Variants in ANO5 observed in about 807,000 individuals in gnomAD.
ANO5 encodes anoctamin-5.
ANO5 carries 109 observed loss-of-function variants against 121.0 expected under a neutral mutation model. The observed-to-expected ratio is 0.90, with a 90% CI of 0.77 to 1.06. ANO5 has a LOEUF of 1.06. Ranked by LOEUF, ANO5 falls within the 50% of genes least tolerant of loss-of-function variation. The pLI, the probability that ANO5 is intolerant of heterozygous loss-of-function variation, is 0.00. For missense variants in ANO5, 1,064 were observed against 1,078.5 expected, an observed-to-expected ratio of 0.99 and a Z score of 0.19; for synonymous variants, 406 against 359.9, an observed-to-expected ratio of 1.13 and a Z score of -1.45.
chr11:22,218,649 C>G lies in ANO5; in HGVS notation c.180+362C>G, dbSNP rs34055449. Among the ~76,000 whole-genome samples the G allele has an allele frequency of 8.6e-3, 1,313 of 152,200 alleles. 5 individuals are homozygous for G. The highest frequency in any genetic ancestry group is 0.014 in the Non-Finnish European group (928 of 67,980). On this transcript the variant is annotated intron_variant, in intron 4 of 21. Coordinates refer to ENST00000324559, the MANE Select transcript of ANO5 (RefSeq NM_213599.3). ...AATTACAGCTCACTGCAGCCTCAACCTCCCTGGATCAGGTAATCCTCCCAC... is the reference window on the plus strand; with the variant it reads ...AATTACAGCTCACTGCAGCCTCAACGTCCCTGGATCAGGTAATCCTCCCAC...
intron 17 of ANO5, among the ~76,000 whole-genome samples, chr11:22,267,933 C>T (rs1207504530): frequency 6.6e-6 from 1 of 152,184 alleles, no homozygotes; most frequent in Non-Finnish European, 1.5e-5. Context: ...CTGCAAAGAA[C>T]ATGATCTTGT....
intron 14 of ANO5, among the ~76,000 whole-genome samples, chr11:22,259,132 C>CAA (rs11317243): frequency 8.9e-6 from 1 of 112,498 alleles, no homozygotes; most frequent in Non-Finnish European, 1.9e-5. Context: ...GACTCTGTCT[C>CAA]AAAAAAAAAA....
At position 22,227,501 on chromosome 11, in the gene ANO5, CT is replaced by C; in HGVS notation, c.564del (p.Ala189HisfsTer40). ...AAGTATCCCCATCCTGAATATTTTA[CT>C]GCACAATTCAGCAGACATCGGCAGG... ...SVKYPHPEYF[T>X]AQFSRHRQEL... On this transcript the variant is annotated frameshift_variant, in exon 7 of 22. Transcript: ENST00000324559. LOFTEE classifies it high-confidence loss of function. 1 of 1,613,590 alleles carries C rather than the reference CT, an allele frequency of 6.2e-7. No homozygotes were observed. Among genetic ancestry groups the C allele is most frequent in the East Asian group, 2.2e-5 (1 of 44,850 alleles).
intron 16 of ANO5, 135 bp downstream of exon 16, chr11:22,262,433 A>G: frequency 2.2e-6 from 2 of 914,728 alleles, no homozygotes; most frequent in South Asian, 1.7e-5. Flanking sequence ...CACAGAGAGT[A>G]TTGTTCACAG....
intron 4 of ANO5, among the ~76,000 whole-genome samples, chr11:22,218,694 G>A (rs533091209): frequency 6.6e-6 from 1 of 152,092 alleles, no homozygotes; most frequent in South Asian, 2.1e-4. Context: ...CTGAGTAACT[G>A]GGACCACAGG....
intron 20 of ANO5, 23 bp downstream of exon 20, chr11:22,274,770 T>A (rs746055759): frequency 6.1e-5 from 99 of 1,611,198 alleles, no homozygotes; most frequent in Non-Finnish European, 8.2e-5. Context: ...TTTGTTTGTT[T>A]AGGTTTTAGT....
At chr11:22,272,412 G>C (rs1854654692) in intron 18 of ANO5, among the ~76,000 whole-genome samples, 1 of 151,014 alleles carries the variant, frequency 6.6e-6, no homozygotes, top group Admixed American at 6.6e-5. Flanking sequence ...AGATGGGCTA[G>C]CAAGATAGAA....
chr11:22,222,338 A>T (rs547937796), intron 5 of ANO5, among the ~76,000 whole-genome samples: 2 of 152,074 alleles, frequency 1.3e-5, no homozygotes, highest in South Asian at 4.1e-4. Context: ...GATAATATCA[A>T]TTCATACTTA....
chr11:22,208,391 T>C (rs1312872724), intron 2 of ANO5, among the ~76,000 whole-genome samples: 1 of 152,050 alleles, frequency 6.6e-6, no homozygotes, highest in Non-Finnish European at 1.5e-5. Flanking sequence ...TGGATAGATC[T>C]CCAGGACATT....
intron 1 of ANO5, among the ~76,000 whole-genome samples, chr11:22,196,376 C>T (rs1284872565): frequency 1.3e-5 from 2 of 152,088 alleles, no homozygotes; most frequent in Admixed American, 6.5e-5. Context: ...GCCCTCATGA[C>T]GTAATCACCT....
chr11:22,276,281 G>T (rs1411211065), intron 21 of ANO5, 82 bp downstream of exon 21: 1 of 1,116,652 alleles, frequency 9.0e-7, no homozygotes, highest in Non-Finnish European at 1.4e-6. Context: ...TCATCAGAAA[G>T]TTAGCAATAT....
At chr11:22,267,330 T>C (rs2133765008) in intron 17 of ANO5, among the ~76,000 whole-genome samples, 1 of 151,856 alleles carries the variant, frequency 6.6e-6, no homozygotes, top group South Asian at 2.1e-4. Context: ...TTTTTACATA[T>C]ATGTGTATAT....
chr11:22,248,479 T>C (rs1442264650), intron 9 of ANO5, among the ~76,000 whole-genome samples: 1 of 152,096 alleles, frequency 6.6e-6, no homozygotes, highest in African/African-American at 2.4e-5. Flanking sequence ...CAATAATGTA[T>C]GCATTTTTAC....
At chr11:22,210,303 A>G (rs1053743800) in intron 2 of ANO5, among the ~76,000 whole-genome samples, 1 of 149,922 alleles carries the variant, frequency 6.7e-6, no homozygotes, top group Non-Finnish European at 1.5e-5. Context: ...TAAAGAACAC[A>G]GAGAAATTAC....
At chr11:22,219,523 G>T (rs1365911983) in intron 4 of ANO5, among the ~76,000 whole-genome samples, 1 of 150,150 alleles carries the variant, frequency 6.7e-6, no homozygotes, top group Non-Finnish European at 1.5e-5. Context: ...TACAAAATAT[G>T]ACTGTCACAG....
At chr11:22,238,294 T>TG (rs60273867) in intron 8 of ANO5, among the ~76,000 whole-genome samples, 2 of 151,070 alleles carry the variant, frequency 1.3e-5, no homozygotes, top group African/African-American at 4.8e-5. Context: ...TTTTTTTTTT[T>TG]GAAGATTTTG....
chr11:22,276,347 G>T (rs1854849566), intron 21 of ANO5, 148 bp downstream of exon 21: 3 of 699,134 alleles, frequency 4.3e-6, no homozygotes, highest in Non-Finnish European at 7.7e-6. Flanking sequence ...AAGCACCTTA[G>T]GGATATTCTT....
chr11:22,222,939 CA>C (rs1271725981), intron 5 of ANO5, among the ~76,000 whole-genome samples: 2 of 152,050 alleles, frequency 1.3e-5, no homozygotes, highest in African/African-American at 4.8e-5. Flanking sequence ...CTCCTGTCTT[CA>C]AGCTTAGCTG....
At chr11:22,274,946 T>C (rs1163473124) in intron 20 of ANO5, among the ~76,000 whole-genome samples, 199 bp downstream of exon 20, 2 of 151,852 alleles carry the variant, frequency 1.3e-5, no homozygotes, top group Non-Finnish European at 1.5e-5. Context: ...AAAACTAAGA[T>C]TATGGGTAAA....
Sources: gnomAD v4.1 joint callset for allele counts (sites outside exome capture counted in the v4.1 genomes callset) on GRCh38, gnomAD v4.1.1 for gene constraint, MANE v1.5 for transcripts, NCBI Gene and HGNC (gene_info 2026-07-23, HGNC 2026-07-21) for gene names.